Variants in LPAR1 observed in about 807,000 individuals in gnomAD.
LPAR1 encodes the protein lysophosphatidic acid receptor 1, also known as LPA receptor 1.
A neutral mutation model predicts 23.8 loss-of-function variants in LPAR1; 5 were observed. The ratio of observed to expected loss-of-function variants is 0.21; its 90% CI spans 0.11 to 0.44. LPAR1 has a LOEUF of 0.44. Ranked by LOEUF, LPAR1 falls within the 20% of genes least tolerant of loss-of-function variation. The probability of loss-of-function intolerance (pLI) is 0.99; values close to 1 mark genes in which losing one functional copy is unlikely to be tolerated. For synonymous variants in LPAR1, 160 were observed against 164.7 expected (o/e 0.97, Z 0.22); for missense variants, 311 against 482.8 (o/e 0.64, Z 3.33).
At chr9:110,880,441 C>T (rs2080434958) in intron 5 of LPAR1, among the ~76,000 whole-genome samples, 1 of 152,144 alleles carries the variant, frequency 6.6e-6, no homozygotes, top group Admixed American at 6.5e-5. Context: ...TGACTTTTTC[C>T]TAACTAGTTG....
At chr9:110,906,790 A>G (rs2091337606) in intron 5 of LPAR1, among the ~76,000 whole-genome samples, 1 of 152,198 alleles carries the variant, frequency 6.6e-6, no homozygotes, top group Non-Finnish European at 1.5e-5. Flanking sequence ...AAACATAACA[A>G]ATATATCACA....
intron 5 of LPAR1, among the ~76,000 whole-genome samples, chr9:110,936,138 T>G (rs996419514): frequency 1.3e-5 from 2 of 152,176 alleles, no homozygotes; most frequent in Non-Finnish European, 2.9e-5. Context: ...TACTAGCACA[T>G]GAACCCGAGT....
chr9:110,992,548 T>C (rs999527265), intron 2 of LPAR1, among the ~76,000 whole-genome samples: 3 of 152,226 alleles, frequency 2.0e-5, no homozygotes, highest in African/African-American at 4.8e-5. Flanking sequence ...ATGCTTCTAG[T>C]AGTTTTATCT....
At chr9:110,971,979 TG>T in intron 4 of LPAR1, 93 bp downstream of exon 4, 1 of 1,046,958 alleles carries the variant, frequency 9.6e-7, no homozygotes, top group Non-Finnish European at 1.5e-6. Context: ...GAGATATACA[TG>T]ATCCCTAGAG....
At chr9:111,032,190 G>C (rs2097808063) in intron 2 of LPAR1, among the ~76,000 whole-genome samples, 1 of 152,136 alleles carries the variant, frequency 6.6e-6, no homozygotes, top group South Asian at 2.1e-4. Flanking sequence ...GATGTAAAAA[G>C]AGAGGCACTT....
intron 5 of LPAR1, among the ~76,000 whole-genome samples, chr9:110,927,651 T>C (rs544617441): frequency 6.6e-6 from 1 of 152,142 alleles, no homozygotes; most frequent in Non-Finnish European, 1.5e-5. Context: ...TTTGATTTGA[T>C]TCAAAAATGA....
chr9:111,032,522 A>G (rs921301546), intron 2 of LPAR1, among the ~76,000 whole-genome samples: 1 of 152,174 alleles, frequency 6.6e-6, no homozygotes, highest in African/African-American at 2.4e-5. Flanking sequence ...GCAGGCAGTC[A>G]GTTAAGTGCT....
Position 110,910,474 on chromosome 9 carries a change from A to C in LPAR1, c.793+30947T>G, listed in dbSNP as rs140424848. On this transcript the variant is annotated intron_variant, in intron 5 of 5. Coordinates refer to ENST00000683809, the MANE Select transcript of LPAR1 (RefSeq NM_001351411.2). ...AGCTCTGATGGACATGTACAGGGAT[A>C]TTAATGTTGTGTTCATGACTGCTAA... 2.5e-3 allele frequency among the ~76,000 whole-genome samples: 375 copies of C among 152,330 alleles called. 1 individual carries two copies. The highest frequency in any genetic ancestry group is 0.014 in the Middle Eastern group (4 of 294).
At chr9:110,966,456 G>A (rs532597620) in intron 4 of LPAR1, among the ~76,000 whole-genome samples, 5 of 148,948 alleles carry the variant, frequency 3.4e-5, no homozygotes, top group Admixed American at 3.3e-4. Context: ...TCCAGCCTGG[G>A]CAACAGAGTG....
At chr9:111,038,647 C>CT, upstream of LPAR1, 2 of 455,374 alleles carry the variant, frequency 4.4e-6, no homozygotes, top group South Asian at 3.1e-5. The surrounding 1 kb of genome is among the most constrained non-coding windows in gnomAD (Gnocchi z 4.4). Flanking sequence ...AGCTGGACCC[C>CT]TTACCTGGTG....
chr9:110,972,165 G>A lies in LPAR1; in HGVS notation c.-48C>T, dbSNP rs1302671595. 2 of 1,576,196 alleles carry A rather than the reference G, an allele frequency of 1.3e-6. No individual in the cohort carries two copies. Among genetic ancestry groups the A allele is most frequent in the Admixed American group, 1.7e-5 (1 of 59,874 alleles). On this transcript the variant is annotated 5_prime_UTR_variant, in exon 4 of 6. Transcript: ENST00000683809. Reference sequence around the variant, plus strand: ...GTGAACACGCCCCAGAACTACGGGAGACAAATTTTCTTGTTTGCTGATCAG... The same window carrying A: ...GTGAACACGCCCCAGAACTACGGGAAACAAATTTTCTTGTTTGCTGATCAG...
intron 5 of LPAR1, among the ~76,000 whole-genome samples, chr9:110,918,837 T>C (rs973818976): frequency 2.6e-5 from 4 of 152,236 alleles, no homozygotes; most frequent in African/African-American, 9.6e-5. Context: ...TCCTTTAGCC[T>C]TCAACCTAAC....
rs763015231 is a variant in LPAR1, at chr9:110,875,264, T to C, written c.*157A>G. On this transcript the variant is annotated 3_prime_UTR_variant, in exon 6 of 6. Transcript: ENST00000683809. ...CTAATTTTCAATATATATCAAGTCT[T>C]GTGGGGTCCAGGAACAAATACTGTC... is the stretch of plus-strand genomic sequence containing the variant. 28 of 590,496 alleles carry C rather than the reference T, an allele frequency of 4.7e-5. No individual in the cohort carries two copies. The highest frequency in any genetic ancestry group is 9.0e-4 in the Middle Eastern group (2 of 2,224). 36.6% of individuals were successfully genotyped at this position (590,496 alleles called of 1,614,324 possible).
intron 4 of LPAR1, among the ~76,000 whole-genome samples, chr9:110,959,673 A>G (rs1010011994): frequency 6.6e-6 from 1 of 152,108 alleles, no homozygotes; most frequent in African/African-American, 2.4e-5. Flanking sequence ...AGATATCAGT[A>G]TATCAAAAGG....
chr9:110,877,383 T>C (rs1314523988), intron 5 of LPAR1, among the ~76,000 whole-genome samples: 1 of 152,164 alleles, frequency 6.6e-6, no homozygotes, highest in African/African-American at 2.4e-5. Flanking sequence ...AGACTTTCCT[T>C]GGAGAGAAAA....
intron 2 of LPAR1, among the ~76,000 whole-genome samples, chr9:110,992,826 A>G (rs2096922168): frequency 6.6e-6 from 1 of 152,212 alleles, no homozygotes; most frequent in Non-Finnish European, 1.5e-5. Context: ...GCCTGGGAGT[A>G]TAAGAGCAGA....
intron 5 of LPAR1, among the ~76,000 whole-genome samples, chr9:110,878,783 T>C (rs1225028569): frequency 1.3e-5 from 2 of 152,110 alleles, no homozygotes; most frequent in South Asian, 2.1e-4. Flanking sequence ...AGCCCTAGGA[T>C]AGATTCTCCA....
chr9:110,883,093 G>A (rs561797204), intron 5 of LPAR1, among the ~76,000 whole-genome samples: 1 of 152,264 alleles, frequency 6.6e-6, no homozygotes, highest in East Asian at 1.9e-4. Context: ...AGGCTGGAGT[G>A]CAGTGGCATG....
At chr9:110,905,224 A>G (rs746261630) in intron 5 of LPAR1, among the ~76,000 whole-genome samples, 6 of 152,206 alleles carry the variant, frequency 3.9e-5, no homozygotes, top group Non-Finnish European at 8.8e-5. Flanking sequence ...ATGCTATCCT[A>G]TTCCAAGTCT....
Sources: allele counts gnomAD v4.1 joint callset (sites outside exome capture counted in the v4.1 genomes callset), GRCh38; gene constraint gnomAD v4.1.1; non-coding constraint Gnocchi (gnomAD v3.1); transcripts MANE v1.5; gene names NCBI Gene and HGNC (gene_info 2026-07-23, HGNC 2026-07-21).